The following ADAM23 variants were observed in gnomAD, a reference collection of about 807,000 sequenced individuals.
ADAM23 encodes disintegrin and metalloproteinase domain-containing protein 23.
A neutral mutation model predicts 120.1 loss-of-function variants in ADAM23; 33 were observed. The observed-to-expected ratio is 0.27, with a 90% confidence interval of 0.21 to 0.37. The LOEUF (loss-of-function observed/expected upper bound fraction) is 0.37. Among genes scored for constraint, ADAM23 ranks in the 10% least tolerant of loss-of-function variants. The pLI is 1.00. For synonymous variants in ADAM23, 367 were observed against 375.2 expected (o/e 0.98, Z 0.25); for missense variants, 862 against 1,058.2 (o/e 0.81, Z 2.57).
chr2:206,609,021 C>T (rs954993573), intron 24 of ADAM23, among the ~76,000 whole-genome samples: 1 of 152,150 alleles, frequency 6.6e-6, no homozygotes, highest in South Asian at 2.1e-4. Flanking sequence ...CTAGGTTTAA[C>T]GTTGCTTAGA....
At chr2:206,472,500 C>T (rs1006719710) in intron 2 of ADAM23, among the ~76,000 whole-genome samples, 8 of 151,594 alleles carry the variant, frequency 5.3e-5, no homozygotes, top group African/African-American at 1.7e-4. Context: ...GTAGTCCCAG[C>T]TACTTGGGAG....
At chr2:206,610,119 A>C (rs1443973184) in intron 25 of ADAM23, 119 bp downstream of exon 25, 3 of 851,026 alleles carry the variant, frequency 3.5e-6, no homozygotes, top group Non-Finnish European at 3.4e-6. Context: ...ACTGCAAAAA[A>C]TAAGTCTTTT....
chr2:206,596,227 G>A, intron 24 of ADAM23, 65 bp downstream of exon 24: 1 of 1,222,968 alleles, frequency 8.2e-7, no homozygotes, highest in East Asian at 2.4e-5. Context: ...CAATGCACCA[G>A]TATAACATTC....
At chr2:206,565,232 T>A (rs1280361146) in intron 14 of ADAM23, among the ~76,000 whole-genome samples, 164 bp downstream of exon 14, 1 of 152,232 alleles carries the variant, frequency 6.6e-6, no homozygotes, top group African/African-American at 2.4e-5. Context: ...ATTTACTTTG[T>A]ATTTTAATTT....
intron 25 of ADAM23, among the ~76,000 whole-genome samples, chr2:206,617,074 C>G (rs1252525503): frequency 6.6e-6 from 1 of 152,140 alleles, no homozygotes; most frequent in Non-Finnish European, 1.5e-5. Context: ...AGAGCTCACA[C>G]ACCCAAGGCA....
At chr2:206,569,862 T>C (rs2105829674) in intron 15 of ADAM23, among the ~76,000 whole-genome samples, 1 of 152,294 alleles carries the variant, frequency 6.6e-6, no homozygotes, top group African/African-American at 2.4e-5. Flanking sequence ...CAGCGCTTCC[T>C]TGAGGTGTGT....
chr2:206,549,006 A>G (rs2105812657), intron 8 of ADAM23, among the ~76,000 whole-genome samples: 1 of 152,270 alleles, frequency 6.6e-6, no homozygotes, highest in South Asian at 2.1e-4. Flanking sequence ...TAGGCTAGAA[A>G]GCTGTAATGA....
At chr2:206,509,940 G>C (rs1214428773) in intron 3 of ADAM23, among the ~76,000 whole-genome samples, 1 of 152,234 alleles carries the variant, frequency 6.6e-6, no homozygotes, top group Non-Finnish European at 1.5e-5. Context: ...TTAGCTAATA[G>C]TTGTAGGAGT....
At chr2:206,495,280 C>T (rs1696216079) in intron 3 of ADAM23, among the ~76,000 whole-genome samples, 1 of 152,198 alleles carries the variant, frequency 6.6e-6, no homozygotes, top group Non-Finnish European at 1.5e-5. Context: ...AAGGGAAGCC[C>T]ATCAGACTAA....
intron 24 of ADAM23, among the ~76,000 whole-genome samples, chr2:206,603,120 A>G (rs1463650810): frequency 6.6e-6 from 1 of 152,214 alleles, no homozygotes; most frequent in African/African-American, 2.4e-5. Flanking sequence ...AACAAAAAAA[A>G]AGGTATTTAG....
chr2:206,602,122 A>G (rs1032210707), intron 24 of ADAM23, among the ~76,000 whole-genome samples: 1 of 152,178 alleles, frequency 6.6e-6, no homozygotes, highest in Non-Finnish European at 1.5e-5. Context: ...TATCCTTATC[A>G]TATATGATTA....
At position 206,481,937 on chromosome 2, in the gene ADAM23, C is replaced by T. The variant is rs147085679; in HGVS notation, c.509+629C>T. On this transcript the variant is annotated intron_variant, in intron 3 of 25. Transcript: ENST00000264377. ...TGACTTAACTAAGGCTCTTCAGCCT[C>T]AAATAGATCTAGCAGTGAGCCTTTC... Among the ~76,000 whole-genome samples, 812 of 152,250 alleles carry T rather than the reference C, an allele frequency of 5.3e-3. 5 individuals carry two copies. The highest frequency in any genetic ancestry group is 0.018 in the African/African-American group (755 of 41,540).
chr2:206,616,400 T>C (rs997788782), intron 25 of ADAM23, among the ~76,000 whole-genome samples: 1 of 152,210 alleles, frequency 6.6e-6, no homozygotes, highest in South Asian at 2.1e-4. Flanking sequence ...AGTCACACAC[T>C]TAGGTCACTC....
intron 17 of ADAM23, 75 bp from the exon 18 acceptor site, chr2:206,573,040 G>T: frequency 6.9e-7 from 1 of 1,442,440 alleles, no homozygotes; most frequent in Non-Finnish European, 9.8e-7. Context: ...GGCATTGTCG[G>T]TGAGTCTAAG....
At chr2:206,513,350 C>T (rs958493296) in intron 3 of ADAM23, among the ~76,000 whole-genome samples, 3 of 150,020 alleles carry the variant, frequency 2.0e-5, no homozygotes, top group Non-Finnish European at 3.0e-5. Flanking sequence ...AGTGAAACAG[C>T]CTTGTTGCTG....
rs183942135 is a variant in ADAM23, at chr2:206,444,786, G to A, written c.215-521G>A. On this transcript the variant is annotated intron_variant, in intron 1 of 25. Coordinates refer to ENST00000264377, the MANE Select transcript of ADAM23 (RefSeq NM_003812.4). ...TGCTCATCTTAAAGTTAAAAGAGAA[G>A]GGAATTGTCCATTTTGTTAAAAGAG... Among the ~76,000 whole-genome samples, 479 of 152,280 alleles carry A rather than the reference G, an allele frequency of 3.1e-3. 3 individuals are homozygous for A. The highest frequency in any genetic ancestry group is 5.2e-3 in the Non-Finnish European group (356 of 68,020).
At chr2:206,444,120 G>C in intron 1 of ADAM23, 40 bp downstream of exon 1, 1 of 1,249,560 alleles carries the variant, frequency 8.0e-7, no homozygotes, top group Non-Finnish European at 1.0e-6. Flanking sequence ...GCTTTCCCGC[G>C]GGGCCCTGCA....
Position 206,587,395 on chromosome 2 carries a change from T to C in ADAM23, c.1788+20T>C. On this transcript the variant is annotated intron_variant, in intron 19 of 25. Coordinates refer to ENST00000264377, the MANE Select transcript of ADAM23 (RefSeq NM_003812.4). ...AATCAGGTATGCTGGGCTATAAATT[T>C]TAAGTGTAATTTAAAAAGGATTCAT... 1 of 1,570,734 alleles carries C rather than the reference T, an allele frequency of 6.4e-7. No individual in the cohort carries two copies. The highest frequency in any genetic ancestry group is 8.7e-7 in the Non-Finnish European group (1 of 1,154,836).
rs866077453 is a variant in ADAM23 at position 206,445,302 on chromosome 2, A to C, written c.215-5A>C. 1.2e-6 allele frequency: 2 copies of C among 1,611,064 alleles called. No individual in the cohort carries two copies. Among genetic ancestry groups the C allele is most frequent in the African/African-American group, 1.3e-5 (1 of 74,630 alleles). ...TCTGCTCCCCCACCCCCCTACCTCC[A>C]CCAGCTCCGCATTGGAATGAAACTG... is the stretch of plus-strand genomic sequence containing the variant. On this transcript the variant is annotated splice_polypyrimidine_tract_variant and splice_region_variant and intron_variant, in intron 1 of 25. Coordinates refer to ENST00000264377, the MANE Select transcript of ADAM23 (RefSeq NM_003812.4).
Sources: gnomAD v4.1 joint callset for allele counts (sites outside exome capture counted in the v4.1 genomes callset) on GRCh38, gnomAD v4.1.1 for gene constraint, MANE v1.5 for transcripts, NCBI Gene and HGNC (gene_info 2026-07-23, HGNC 2026-07-21) for gene names.